Variants in ADGRL3 observed in about 807,000 individuals in gnomAD.
The protein encoded by ADGRL3 is calcium-independent alpha-latrotoxin receptor 3.
A neutral mutation model predicts 153.5 loss-of-function variants in ADGRL3; 62 were observed. The observed-to-expected ratio is 0.40, with a 90% confidence interval of 0.33 to 0.50. The LOEUF (loss-of-function observed/expected upper bound fraction) is 0.50. ADGRL3 is among the 20% of genes least tolerant of loss of function. The pLI, the probability that ADGRL3 is intolerant of heterozygous loss-of-function variation, is 0.47. For missense variants in ADGRL3, 1,641 were observed against 1,859.4 expected, an observed-to-expected ratio of 0.88 and a Z score of 2.16; for synonymous variants, 710 against 672.5, an observed-to-expected ratio of 1.06 and a Z score of -0.86.
chr4:62,001,508 C>G (rs1341076488), intron 21 of ADGRL3, among the ~76,000 whole-genome samples: 2 of 152,048 alleles, frequency 1.3e-5, no homozygotes, highest in African/African-American at 4.8e-5. Context: ...TAATCTTTTC[C>G]AGAATCTGAA....
At chr4:62,063,813 T>G (rs1741500690) in intron 25 of ADGRL3, among the ~76,000 whole-genome samples, 1 of 152,172 alleles carries the variant, frequency 6.6e-6, no homozygotes, top group Non-Finnish European at 1.5e-5. Context: ...TTTTCCTTAG[T>G]AAAAAATGGA....
chr4:62,008,047 T>G (rs2099167824), intron 21 of ADGRL3, among the ~76,000 whole-genome samples: 2 of 152,014 alleles, frequency 1.3e-5, no homozygotes, highest in Admixed American at 6.6e-5. Context: ...ATGGGGATCT[T>G]TGGTGAACTT....
At chr4:61,701,396 C>A (rs1265406424) in intron 6 of ADGRL3, among the ~76,000 whole-genome samples, 1 of 147,428 alleles carries the variant, frequency 6.8e-6, no homozygotes, top group African/African-American at 2.5e-5. Flanking sequence ...TATAAGACAA[C>A]ATAATAAGAT....
chr4:61,930,282 G>C (rs1046054457), intron 13 of ADGRL3, among the ~76,000 whole-genome samples: 1 of 151,992 alleles, frequency 6.6e-6, no homozygotes, highest in Non-Finnish European at 1.5e-5. Context: ...GAGGAAGGGG[G>C]GTAACTAGGT....
intron 25 of ADGRL3, among the ~76,000 whole-genome samples, chr4:62,049,807 C>T (rs1272148213): frequency 2.6e-4 from 39 of 152,046 alleles, no homozygotes; most frequent in Admixed American, 2.6e-3. Context: ...AGTTTTAATC[C>T]AGAGACCTCT....
intron 2 of ADGRL3, among the ~76,000 whole-genome samples, chr4:61,456,469 ATCTATATC>A (rs2097755258): frequency 7.5e-6 from 1 of 133,254 alleles, no homozygotes; most frequent in African/African-American, 2.8e-5. Flanking sequence ...ATATAGATAT[ATCTATATC>A]TATATATATA....
chr4:61,983,626 T>C (rs1171840512), intron 19 of ADGRL3, 23 bp downstream of exon 19: 2 of 1,598,270 alleles, frequency 1.3e-6, no homozygotes, highest in Non-Finnish European at 1.7e-6. Flanking sequence ...TTTTCTTTCT[T>C]TTTAAATCTA....
chr4:61,750,490 C>T (rs566322119), intron 8 of ADGRL3, among the ~76,000 whole-genome samples: 1 of 152,306 alleles, frequency 6.6e-6, no homozygotes, highest in African/African-American at 2.4e-5. Flanking sequence ...GCAGGATGGA[C>T]ATATATTAGA....
intron 3 of ADGRL3, among the ~76,000 whole-genome samples, chr4:61,507,507 C>CAAT (rs1373681036): frequency 1.3e-4 from 20 of 152,164 alleles, no homozygotes; most frequent in Admixed American, 5.9e-4. Flanking sequence ...TATTTGCTGT[C>CAAT]TTGTTAAACA....
At chr4:61,670,573 A>G (rs2094956204) in intron 5 of ADGRL3, among the ~76,000 whole-genome samples, 1 of 152,074 alleles carries the variant, frequency 6.6e-6, no homozygotes, top group Admixed American at 6.5e-5. Context: ...CCCATGACCA[A>G]GAAGAATAAG....
chr4:61,810,039 A>C (rs1309238000), intron 8 of ADGRL3, among the ~76,000 whole-genome samples: 1 of 152,162 alleles, frequency 6.6e-6, no homozygotes, highest in African/African-American at 2.4e-5. Flanking sequence ...TCTGGGTAGC[A>C]ACACAGGCTG....
intron 1 of ADGRL3, among the ~76,000 whole-genome samples, chr4:61,256,646 C>T (rs919926045): frequency 3.9e-5 from 6 of 152,184 alleles, no homozygotes; most frequent in Middle Eastern, 3.4e-3. Context: ...ACACAGAAAG[C>T]GCATTTTCAC....
At chr4:61,758,153 T>C (rs1261551337) in intron 8 of ADGRL3, among the ~76,000 whole-genome samples, 1 of 152,172 alleles carries the variant, frequency 6.6e-6, no homozygotes, top group Admixed American at 6.6e-5. Flanking sequence ...CTGAGTTCAA[T>C]TCCTGGAAAT....
chr4:61,851,309 G>A (rs1024890965), intron 9 of ADGRL3, among the ~76,000 whole-genome samples: 7 of 151,856 alleles, frequency 4.6e-5, no homozygotes, highest in East Asian at 1.9e-4. Context: ...AGGTGTGGCC[G>A]GGAGCAGTGA....
chr4:61,853,151 A>G (rs1386334889), intron 9 of ADGRL3, among the ~76,000 whole-genome samples: 2 of 151,222 alleles, frequency 1.3e-5, no homozygotes, highest in South Asian at 4.2e-4. Context: ...AAAGTCCCTA[A>G]CTGAATTCTG....
chr4:61,509,066 T>C lies in ADGRL3; in HGVS notation c.56-8249T>C, dbSNP rs185681608. On this transcript the variant is annotated intron_variant, in intron 3 of 26. Coordinates refer to ENST00000683033, the MANE Select transcript of ADGRL3 (RefSeq NM_001387552.1). Reference sequence around the variant, plus strand: ...TCCATCCCACAACCCGTGGGAATTATGGGAGTACAATTCAAGACGAGATTT... The same window carrying C: ...TCCATCCCACAACCCGTGGGAATTACGGGAGTACAATTCAAGACGAGATTT... Among the ~76,000 whole-genome samples, 396 of 150,940 alleles carry C rather than the reference T, an allele frequency of 2.6e-3. 6 individuals are homozygous for C. The highest frequency in any genetic ancestry group is 9.1e-3 in the African/African-American group (374 of 41,136).
chr4:61,460,635 A>G (rs1286065566), intron 2 of ADGRL3, among the ~76,000 whole-genome samples: 2 of 152,102 alleles, frequency 1.3e-5, no homozygotes, highest in Non-Finnish European at 2.9e-5. Flanking sequence ...ATATATAAAG[A>G]AAAAGGGGTT....
intron 2 of ADGRL3, among the ~76,000 whole-genome samples, chr4:61,393,036 G>T (rs1348956656): frequency 6.6e-6 from 1 of 151,998 alleles, no homozygotes; most frequent in East Asian, 1.9e-4. Context: ...CCTGGATAAG[G>T]TTCTCTTCAT....
chr4:61,289,414 T>A (rs2094082460), intron 1 of ADGRL3, among the ~76,000 whole-genome samples: 1 of 152,032 alleles, frequency 6.6e-6, no homozygotes, highest in African/African-American at 2.4e-5. Context: ...CATGAATAAT[T>A]TTGTTTCACT....
Sources: gnomAD v4.1 joint callset for allele counts (sites outside exome capture counted in the v4.1 genomes callset) on GRCh38, gnomAD v4.1.1 for gene constraint, MANE v1.5 for transcripts, NCBI Gene and HGNC (gene_info 2026-07-23, HGNC 2026-07-21) for gene names.